TFDP2: variants seen among roughly 807,000 people sequenced by gnomAD.
TFDP2 encodes the protein transcription factor Dp-2, also known as transcription factor Dp-2 (E2F dimerization partner 2).
TFDP2 carries 17 observed loss-of-function variants against 59.3 expected under a neutral mutation model. The ratio of observed to expected loss-of-function variants is 0.29; its 90% CI spans 0.20 to 0.43. TFDP2 has a LOEUF of 0.43. TFDP2 is among the 20% of genes least tolerant of loss of function. The probability of loss-of-function intolerance (pLI) is 1.00; values close to 1 mark genes in which losing one functional copy is unlikely to be tolerated. For missense variants in TFDP2, 391 were observed against 528.8 expected, an observed-to-expected ratio of 0.74 and a Z score of 2.56; for synonymous variants, 180 against 194.7, an observed-to-expected ratio of 0.92 and a Z score of 0.63.
chr3:142,067,814 G>T (rs2060120740), intron 3 of TFDP2, among the ~76,000 whole-genome samples: 1 of 151,990 alleles, frequency 6.6e-6, no homozygotes, highest in Non-Finnish European at 1.5e-5. Flanking sequence ...ACCAGCCTAG[G>T]CAACAAAGTG....
At position 142,106,892 on chromosome 3, in the gene TFDP2, G is replaced by C. The variant is rs575169219; in HGVS notation, c.-92-5051C>G. 8.1e-4 allele frequency among the ~76,000 whole-genome samples: 123 copies of C among 152,182 alleles called. 1 individual carries two copies. The highest frequency in any genetic ancestry group is 2.8e-3 in the African/African-American group (115 of 41,504). On this transcript the variant is annotated intron_variant, in intron 1 of 12. Transcript: ENST00000489671. ...CTTTTAAAATTAATCAAAATACAAG[G>C]AAGAAAGCACAAAGTTATGGATAAA... is the stretch of plus-strand genomic sequence containing the variant.
At chr3:142,036,008 T>G (rs1019099152) in intron 3 of TFDP2, among the ~76,000 whole-genome samples, 2 of 152,194 alleles carry the variant, frequency 1.3e-5, no homozygotes, top group African/African-American at 4.8e-5. Context: ...CAGTATTAAT[T>G]ACAGATATGA....
intron 3 of TFDP2, among the ~76,000 whole-genome samples, chr3:142,083,822 C>T (rs1327307889): frequency 6.6e-6 from 1 of 151,574 alleles, no homozygotes; most frequent in Non-Finnish European, 1.5e-5. Context: ...TGAAACTAGA[C>T]CCCTATCTCT....
At chr3:142,138,845 G>T (rs2062828859) in intron 1 of TFDP2, among the ~76,000 whole-genome samples, 1 of 152,222 alleles carries the variant, frequency 6.6e-6, no homozygotes, top group African/African-American at 2.4e-5. Flanking sequence ...TGTATATTCT[G>T]TTGATTCGGG....
chr3:142,067,816 A>C (rs988631285), intron 3 of TFDP2, among the ~76,000 whole-genome samples: 3 of 152,098 alleles, frequency 2.0e-5, no homozygotes, highest in Admixed American at 6.6e-5. Flanking sequence ...CAGCCTAGGC[A>C]ACAAAGTGAG....
At chr3:142,030,322 G>A (rs1946361724) in intron 3 of TFDP2, among the ~76,000 whole-genome samples, 1 of 152,196 alleles carries the variant, frequency 6.6e-6, no homozygotes, top group Non-Finnish European at 1.5e-5. Context: ...ACTACTGGAT[G>A]TGAGGTCAGT....
intron 3 of TFDP2, among the ~76,000 whole-genome samples, chr3:142,008,741 TAC>T (rs944275009): frequency 6.6e-6 from 1 of 151,762 alleles, no homozygotes; most frequent in Non-Finnish European, 1.5e-5. Flanking sequence ...TATATATATA[TAC>T]ACACACATAT....
At chr3:141,973,123 A>ATATATATTTTTTT in intron 8 of TFDP2, among the ~76,000 whole-genome samples, 2 of 58,030 alleles carry the variant, frequency 3.4e-5, no homozygotes, top group Non-Finnish European at 7.4e-5. Flanking sequence ...ATATATATAT[A>ATATATATTTTTTT]TTTTTTTTTT....
At chr3:142,092,564 CT>C (rs1202122387) in intron 3 of TFDP2, among the ~76,000 whole-genome samples, 1 of 152,176 alleles carries the variant, frequency 6.6e-6, no homozygotes, top group Non-Finnish European at 1.5e-5. Context: ...AGTGATCCTT[CT>C]GCCTCGGCCT....
At chr3:142,120,491 A>C (rs569067335) in intron 1 of TFDP2, among the ~76,000 whole-genome samples, 9 of 152,252 alleles carry the variant, frequency 5.9e-5, no homozygotes, top group Non-Finnish European at 1.2e-4. Flanking sequence ...AATCATTAGT[A>C]ATAAGCATGA....
intron 3 of TFDP2, among the ~76,000 whole-genome samples, chr3:142,075,939 G>A (rs1389671000): frequency 6.9e-6 from 1 of 144,250 alleles, no homozygotes; most frequent in Non-Finnish European, 1.5e-5. Flanking sequence ...TTCCCGGCAT[G>A]GTGGCTCACG....
intron 3 of TFDP2, among the ~76,000 whole-genome samples, chr3:142,065,490 CTG>C (rs578129854): frequency 6.7e-5 from 10 of 148,190 alleles, no homozygotes; most frequent in Non-Finnish European, 6.0e-5. Flanking sequence ...ACCATTCACT[CTG>C]TGTGTGTGTG....
intron 7 of TFDP2, among the ~76,000 whole-genome samples, 170 bp downstream of exon 7, chr3:141,978,350 C>CA (rs1004847814): frequency 1.6e-4 from 11 of 67,196 alleles, no homozygotes; most frequent in Admixed American, 2.6e-4. Flanking sequence ...GCCTAAAAAA[C>CA]AAAAAAAAAG....
At chr3:142,130,578 G>A (rs572668902) in intron 1 of TFDP2, among the ~76,000 whole-genome samples, 67 of 151,592 alleles carry the variant, frequency 4.4e-4, no homozygotes, top group Non-Finnish European at 9.1e-4. Flanking sequence ...CCATGTTGGT[G>A]TGCTGTACCC....
intron 3 of TFDP2, among the ~76,000 whole-genome samples, chr3:142,008,866 C>T (rs958187038): frequency 6.6e-6 from 1 of 152,036 alleles, no homozygotes; most frequent in African/African-American, 2.4e-5. Context: ...CTCATCGATG[C>T]TTAGGACAGA....
chr3:142,084,903 TATTTG>T (rs916053296), intron 3 of TFDP2, among the ~76,000 whole-genome samples: 55 of 151,730 alleles, frequency 3.6e-4, no homozygotes, highest in African/African-American at 1.3e-3. Flanking sequence ...GAATAAATAA[TATTTG>T]ATATTAGATT....
At chr3:142,143,768 T>C (rs61617365) in intron 1 of TFDP2, among the ~76,000 whole-genome samples, 6,717 of 152,280 alleles carry the variant, frequency 0.044, 511 homozygotes, top group African/African-American at 0.15. Flanking sequence ...CTGGTGGGGA[T>C]GTGCAGAGAA....
chr3:142,067,989 G>A (rs1353198094), intron 3 of TFDP2, among the ~76,000 whole-genome samples: 2 of 141,922 alleles, frequency 1.4e-5, no homozygotes, highest in Non-Finnish European at 3.0e-5. Flanking sequence ...GAGTGACAGA[G>A]TAAGACTCTA....
chr3:142,063,589 G>A (rs542712733), intron 3 of TFDP2, among the ~76,000 whole-genome samples: 1 of 152,296 alleles, frequency 6.6e-6, no homozygotes, highest in Non-Finnish European at 1.5e-5. Flanking sequence ...CTACCTAGAG[G>A]TGGAATTGCC....
Sources: gnomAD v4.1 joint callset for allele counts (sites outside exome capture counted in the v4.1 genomes callset) on GRCh38, gnomAD v4.1.1 for gene constraint, MANE v1.5 for transcripts, NCBI Gene and HGNC (gene_info 2026-07-23, HGNC 2026-07-21) for gene names.